The following KNG1 variants were observed in gnomAD, a reference collection of about 807,000 sequenced individuals.
KNG1 encodes the protein kininogen 1.
Under a neutral mutation model 47.8 loss-of-function variants are expected in KNG1, and 23 were observed. The observed-to-expected ratio is 0.48, with a 90% CI of 0.35 to 0.68. KNG1 has a LOEUF of 0.68. Ranked by LOEUF, KNG1 falls within the 30% of genes least tolerant of loss-of-function variation. The pLI, the probability that KNG1 is intolerant of heterozygous loss-of-function variation, is 0.01. For synonymous variants in KNG1, 277 were observed against 277.0 expected (o/e 1.00, Z 0.00); for missense variants, 762 against 790.2 (o/e 0.96, Z 0.43).
In KNG1 at chr3:186,730,711, T is replaced by C. The variant is rs1385122269; in HGVS notation, c.673-834T>C. On this transcript the variant is annotated intron_variant, in intron 5 of 9. Coordinates refer to ENST00000644859, the MANE Select transcript of KNG1 (RefSeq NM_001102416.3). The stretch of plus-strand genomic sequence containing the variant: ...ATATATATATATATATATATATATA[T>C]ATATACACACACACACACATATATA... Among the ~76,000 whole-genome samples, 3 of 109,738 alleles carry C rather than the reference T, an allele frequency of 2.7e-5. No homozygotes were observed. The Admixed American group carries it at 3.2e-4, about 12-fold the overall frequency. 72.0% of individuals were successfully genotyped at this position (109,738 alleles called of 152,430 possible).
At position 186,743,434 on chromosome 3, in the gene KNG1, G is replaced by T; in HGVS notation, c.*1103G>T. On this transcript the variant is annotated 3_prime_UTR_variant, in exon 10 of 10. Transcript: ENST00000644859. Reference sequence around the variant, plus strand: ...GCCCTATAGTGCAAAGAAGGTATATGCTTTATAACCAATGTTGTACTTTTG... The same window carrying T: ...GCCCTATAGTGCAAAGAAGGTATATTCTTTATAACCAATGTTGTACTTTTG... 2.2e-6 allele frequency: 1 copy of T among 456,248 alleles called. No individual in the cohort carries two copies. The highest frequency in any genetic ancestry group is 4.3e-5 in the East Asian group (1 of 23,076). 28.3% of individuals were successfully genotyped at this position (456,248 alleles called of 1,614,324 possible). A position where few individuals can be genotyped will look rare whatever the true frequency, so the allele number is the denominator to read the frequency against.
intron 9 of KNG1, 132 bp from the exon 10 acceptor site, chr3:186,741,390 A>T: frequency 1.4e-6 from 1 of 736,980 alleles, no homozygotes; most frequent in Middle Eastern, 4.0e-4. Context: ...GAATGTTAAT[A>T]TAGCATTTAA....
At chr3:186,731,440 T>C in intron 5 of KNG1, 105 bp from the exon 6 acceptor site, 1 of 715,532 alleles carries the variant, frequency 1.4e-6, no homozygotes, top group Non-Finnish European at 2.5e-6. Context: ...TTCTATGCAA[T>C]GATTTGGAAA....
At position 186,743,948 on chromosome 3, in the gene KNG1, ACT is replaced by A. The variant is rs1413141079; in HGVS notation, c.*1620_*1621del. On this transcript the variant is annotated 3_prime_UTR_variant, in exon 10 of 10. Coordinates refer to ENST00000644859, the MANE Select transcript of KNG1 (RefSeq NM_001102416.3). Reference sequence around the variant, plus strand: ...AATAAAGATCAGTCTTGATGTTCTAACTCTAATTCACAGTGGTCTCCTTTCAG... The same window carrying A: ...AATAAAGATCAGTCTTGATGTTCTAACTAATTCACAGTGGTCTCCTTTCAG... 16 of 677,394 alleles carry A rather than the reference ACT, an allele frequency of 2.4e-5. 1 individual carries two copies. The East Asian group carries it at 3.0e-4, about 13-fold the overall frequency. 42.0% of individuals were successfully genotyped at this position (677,394 alleles called of 1,614,324 possible).
In KNG1 at chr3:186,728,745, G is replaced by A. The variant is rs146455942; in HGVS notation, c.672+1401G>A. ...GGCTCACTGCAACCTCTGCCTCCCA[G>A]GTTTAAGCAATTCTCATGCCTCAGC... On this transcript the variant is annotated intron_variant, in intron 5 of 9. Transcript: ENST00000644859. 8.5e-3 allele frequency: 1,291 copies of A among 152,266 alleles called. 4 individuals are homozygous for A. The highest frequency in any genetic ancestry group is 0.014 in the Non-Finnish European group (939 of 68,014). 9.4% of individuals were successfully genotyped at this position (152,266 alleles called of 1,614,324 possible).
intron 5 of KNG1, among the ~76,000 whole-genome samples, chr3:186,730,725 C>CACACATATATATAT (rs71167006): frequency 4.4e-5 from 2 of 45,888 alleles, no homozygotes; most frequent in African/African-American, 8.8e-5. Context: ...TACACACACA[C>CACACATATATATAT]ACACATATAT....
At position 186,720,088 on chromosome 3, in the gene KNG1, CT is replaced by C. The variant is rs764727643; in HGVS notation, c.196-14del. 7 of 1,554,470 alleles carry C rather than the reference CT, an allele frequency of 4.5e-6. No homozygotes were observed. Among genetic ancestry groups the C allele is most frequent in the Non-Finnish European group, 4.4e-6 (5 of 1,125,686 alleles). ...GGTCAGTTGGATGAACCCTAAGTAT[CT>C]TTGGCTGCTTTTCAGGTTGGCTCTG... On this transcript the variant is annotated splice_polypyrimidine_tract_variant and intron_variant, in intron 1 of 9. Coordinates refer to ENST00000644859, the MANE Select transcript of KNG1 (RefSeq NM_001102416.3).
chr3:186,725,210 C>G lies in KNG1; in HGVS notation c.514C>G (p.Gln172Glu). The change falls in exon 4 of 10, where the codon CAA (glutamine) becomes GAA (glutamate). Residue 172 changes from glutamine to glutamate, a missense_variant. Coordinates refer to ENST00000644859, the MANE Select transcript of KNG1 (RefSeq NM_001102416.3). The part of the protein sequence containing the change: ...HGIQYFNNNT[Q>E]HSSLFMLNEV... ...CATTCAGTACTTTAACAACAACACTCAACATTCCTCCCTCTTCATGCTTAA... is the reference window on the plus strand; with the variant it reads ...CATTCAGTACTTTAACAACAACACTGAACATTCCTCCCTCTTCATGCTTAA... 1 of 1,614,184 alleles carries G rather than the reference C, an allele frequency of 6.2e-7. No individual in the cohort carries two copies. Among genetic ancestry groups the G allele is most frequent in the Non-Finnish European group, 8.5e-7 (1 of 1,180,032 alleles).
chr3:186,733,898 G>A (rs1433859411), intron 7 of KNG1, among the ~76,000 whole-genome samples: 1 of 152,060 alleles, frequency 6.6e-6, no homozygotes, highest in East Asian at 1.9e-4. Context: ...AACCCGGGAG[G>A]CGGAGGTTGC....
chr3:186,736,900 A>T (rs919953068), intron 7 of KNG1: 15 of 152,006 alleles, frequency 9.9e-5, no homozygotes, highest in Admixed American at 3.3e-4. Flanking sequence ...AAAACACAAA[A>T]ATTAGCCAGG....
chr3:186,720,497 G>C, intron 2 of KNG1: 1 of 354,258 alleles, frequency 2.8e-6, no homozygotes, highest in Non-Finnish European at 5.3e-6. Context: ...ATAACAAATT[G>C]ACATTTGGGC....
chr3:186,737,978 A>AT (rs1237742412), intron 7 of KNG1, among the ~76,000 whole-genome samples: 3 of 147,662 alleles, frequency 2.0e-5, no homozygotes, highest in Non-Finnish European at 4.5e-5. Context: ...GATTAAAATA[A>AT]TTTTTTTTTC....
chr3:186,717,890 A>G lies in KNG1; in HGVS notation c.195+153A>G, dbSNP rs563162185. On this transcript the variant is annotated intron_variant, in intron 1 of 9. Transcript: ENST00000644859. Reference sequence around the variant, plus strand: ...ACCCACCACCACCACCACAACCACCACCACCACCCACCACCACCACCACCA... The same window carrying G: ...ACCCACCACCACCACCACAACCACCGCCACCACCCACCACCACCACCACCA... 2,038 of 213,906 alleles carry G rather than the reference A, an allele frequency of 9.5e-3. 60 individuals are homozygous for G. In the African/African-American group the frequency reaches 0.15, roughly 16 times the overall value. The allele number at this position is 213,906 out of a possible 1,614,324, so 13.3% of individuals were successfully genotyped here. A position where few individuals can be genotyped will look rare whatever the true frequency, so the allele number is the denominator to read the frequency against.
In KNG1 at chr3:186,731,363, A is replaced by C. The variant is rs1476317121; in HGVS notation, c.673-182A>C. Among the ~76,000 whole-genome samples, 8 of 152,082 alleles carry C rather than the reference A, an allele frequency of 5.3e-5. No individual in the cohort carries two copies. In the East Asian group the frequency reaches 1.5e-3, roughly 29 times the overall value. ...CTCATGTATATGCATGTATTTGTTGATGCTATTGATACTATTACCTTAGTA... is the reference window on the plus strand; with the variant it reads ...CTCATGTATATGCATGTATTTGTTGCTGCTATTGATACTATTACCTTAGTA... On this transcript the variant is annotated intron_variant, in intron 5 of 9. Transcript: ENST00000644859.
At position 186,739,831 on chromosome 3, in the gene KNG1, C is replaced by T. The variant is rs5030077; in HGVS notation, c.1125+417C>T. 3.6e-3 allele frequency among the ~76,000 whole-genome samples: 554 copies of T among 152,302 alleles called. 4 individuals carry two copies. Among genetic ancestry groups the T allele is most frequent in the African/African-American group, 0.013 (537 of 41,582 alleles). On this transcript the variant is annotated intron_variant, in intron 9 of 9. Transcript: ENST00000644859. ...CTTTGGGAGGCTGAAGCAGGCAGAT[C>T]ACCTGAGGTCAGGAGTTTGAGACTA...
At chr3:186,739,934 G>C (rs932957872) in intron 9 of KNG1, among the ~76,000 whole-genome samples, 1 of 152,014 alleles carries the variant, frequency 6.6e-6, no homozygotes. Context: ...TGTAATCCCA[G>C]CTACTCAGGG....
chr3:186,731,504 A>T, intron 5 of KNG1, 41 bp from the exon 6 acceptor site: 1 of 1,216,926 alleles, frequency 8.2e-7, no homozygotes, highest in Non-Finnish European at 1.2e-6. Context: ...GACTCTAAAA[A>T]ATGTTTTTAA....
At chr3:186,717,800 C>CCA in intron 1 of KNG1, 63 bp downstream of exon 1, 1 of 1,117,540 alleles carries the variant, frequency 8.9e-7, no homozygotes, top group Non-Finnish European at 1.3e-6. Flanking sequence ...GGAGTCCAGG[C>CCA]CTCACACACA....
intron 3 of KNG1, 22 bp from the exon 4 acceptor site, chr3:186,725,066 T>C (rs1466969179): frequency 6.2e-7 from 1 of 1,613,532 alleles, no homozygotes; most frequent in South Asian, 1.1e-5. Context: ...TAATGCTGTG[T>C]TTTTGTCTGC....
Sources: gnomAD v4.1 joint callset for allele counts (sites outside exome capture counted in the v4.1 genomes callset) on GRCh38, gnomAD v4.1.1 for gene constraint, MANE v1.5 for transcripts, NCBI Gene and HGNC (gene_info 2026-07-23, HGNC 2026-07-21) for gene names.